The following UBE2E1 variants were observed in gnomAD, a reference collection of about 807,000 sequenced individuals.
UBE2E1 encodes the protein ubiquitin conjugating enzyme E2 E1, also known as ubiquitin-conjugating enzyme E2 E1.
In UBE2E1, 6 loss-of-function variants were observed where a neutral mutation model predicts 21.4. The ratio of observed to expected loss-of-function variants is 0.28; its 90% CI spans 0.15 to 0.55. UBE2E1 has a LOEUF of 0.55. UBE2E1 is among the 20% of genes least tolerant of loss of function. The pLI is 0.93. For missense variants in UBE2E1, 142 were observed against 236.5 expected (o/e 0.60, Z 2.62); for synonymous variants, 87 against 82.7 (o/e 1.05, Z -0.28).
intron 3 of UBE2E1, among the ~76,000 whole-genome samples, chr3:23,840,813 C>G (rs747125736): frequency 2.0e-5 from 3 of 152,204 alleles, no homozygotes; most frequent in Non-Finnish European, 4.4e-5. Flanking sequence ...CTTGTGAACT[C>G]TGACCACTTA....
intron 3 of UBE2E1, among the ~76,000 whole-genome samples, chr3:23,822,552 C>T (rs773333118): frequency 9.9e-5 from 15 of 151,910 alleles, no homozygotes; most frequent in East Asian, 1.9e-4. Context: ...TTTAGGTTAA[C>T]GTTGTACCAT....
chr3:23,845,758 A>T (rs9863123), intron 3 of UBE2E1, among the ~76,000 whole-genome samples: 2 of 152,036 alleles, frequency 1.3e-5, no homozygotes, highest in African/African-American at 4.8e-5. Context: ...GAACCGTTCA[A>T]CTCTACCCAT....
At chr3:23,879,088 C>G in intron 3 of UBE2E1, 1 of 499,040 alleles carries the variant, frequency 2.0e-6, no homozygotes, top group East Asian at 5.6e-5. Flanking sequence ...AGAATGAGTT[C>G]CTGAAGTCTT....
At chr3:23,866,915 G>C (rs184035315) in intron 3 of UBE2E1, among the ~76,000 whole-genome samples, 1 of 152,230 alleles carries the variant, frequency 6.6e-6, no homozygotes, top group East Asian at 1.9e-4. Context: ...CTTTTGTGTT[G>C]AGTCCAAAGA....
chr3:23,883,584 C>T (rs917583499), intron 3 of UBE2E1, among the ~76,000 whole-genome samples: 1 of 152,122 alleles, frequency 6.6e-6, no homozygotes, highest in Non-Finnish European at 1.5e-5. Flanking sequence ...AAAAAGCTAC[C>T]TGAATTCATC....
intron 3 of UBE2E1, among the ~76,000 whole-genome samples, chr3:23,877,283 ATT>A (rs1700937649): frequency 6.6e-6 from 1 of 152,084 alleles, no homozygotes; most frequent in Non-Finnish European, 1.5e-5. Flanking sequence ...AACCATATAT[ATT>A]GATCCTTTTT....
intron 3 of UBE2E1, among the ~76,000 whole-genome samples, chr3:23,850,609 C>T (rs1456362878): frequency 1.3e-5 from 2 of 151,132 alleles, no homozygotes; most frequent in Non-Finnish European, 2.9e-5. Flanking sequence ...CTCCTGAGCT[C>T]AGGTGATGGT....
intron 3 of UBE2E1, among the ~76,000 whole-genome samples, chr3:23,839,538 G>A (rs1414308358): frequency 6.6e-6 from 1 of 151,750 alleles, no homozygotes; most frequent in East Asian, 1.9e-4. Flanking sequence ...ACCATTTCTG[G>A]TGTTCTTTTT....
In UBE2E1 at chr3:23,887,856, G is replaced by T; in HGVS notation, c.336+157G>T. The T allele has an allele frequency of 9.6e-7, 1 of 1,044,788 alleles. No homozygotes were observed. The highest frequency in any genetic ancestry group is 1.3e-6 in the Non-Finnish European group (1 of 751,986). The allele number at this position is 1,044,788 out of a possible 1,614,324, so 64.7% of individuals were successfully genotyped here. A position where few individuals can be genotyped will look rare whatever the true frequency, so the allele number is the denominator to read the frequency against. On this transcript the variant is annotated intron_variant, in intron 4 of 5. Transcript: ENST00000306627. This position sits in a 1 kb window ranked among gnomAD's most constrained non-coding sequence, Gnocchi z 4.4. ...CATATACAAAACACTTCTTTAGGTT[G>T]ATTTTGCCTTATCTGGCAGAGACCA...
chr3:23,822,967 C>T (rs1284366316), intron 3 of UBE2E1, among the ~76,000 whole-genome samples: 1 of 151,964 alleles, frequency 6.6e-6, no homozygotes, highest in East Asian at 1.9e-4. Flanking sequence ...CTGTCTCAGT[C>T]TCCTGAGTAG....
rs1172506035 is a variant in UBE2E1, at chr3:23,873,883, A to T, written c.204-13684A>T. On this transcript the variant is annotated intron_variant, in intron 3 of 5. Coordinates refer to ENST00000306627, the MANE Select transcript of UBE2E1 (RefSeq NM_003341.5). ...CTTTTGAAAGCAAAAGTGGGCAACA[A>T]AAAACTGAAAATTATTATTACCAGA... 3.9e-5 allele frequency among the ~76,000 whole-genome samples: 6 copies of T among 152,376 alleles called. No individual in the cohort carries two copies. The East Asian group carries it at 1.2e-3, about 29-fold the overall frequency.
At chr3:23,858,170 A>G (rs909163288) in intron 3 of UBE2E1, among the ~76,000 whole-genome samples, 7 of 152,178 alleles carry the variant, frequency 4.6e-5, no homozygotes. Context: ...GCTGTTACCT[A>G]CAGTGTAAAT....
chr3:23,817,973 T>C (rs561068866), intron 3 of UBE2E1, among the ~76,000 whole-genome samples: 10 of 152,306 alleles, frequency 6.6e-5, no homozygotes, highest in Non-Finnish European at 1.0e-4. Flanking sequence ...GAGTGGAGCT[T>C]GGTAGGAACC....
chr3:23,863,389 TC>T lies in UBE2E1; in HGVS notation c.204-24174del, dbSNP rs1285116035. Reference sequence around the variant, plus strand: ...CTCCCCAAGTTATTCTCTCACCTTTTCCCCTCTCCCTTTCTCCCTCTGTGCC... The same window carrying T: ...CTCCCCAAGTTATTCTCTCACCTTTTCCCTCTCCCTTTCTCCCTCTGTGCC... On this transcript the variant is annotated intron_variant, in intron 3 of 5. Transcript: ENST00000306627. This position sits in a 1 kb window ranked among gnomAD's most constrained non-coding sequence, Gnocchi z 4.3. Among the ~76,000 whole-genome samples, 1 of 152,048 alleles carries T rather than the reference TC, an allele frequency of 6.6e-6. No homozygotes were observed. Among genetic ancestry groups the T allele is most frequent in the Non-Finnish European group, 1.5e-5 (1 of 68,012 alleles).
intron 3 of UBE2E1, among the ~76,000 whole-genome samples, chr3:23,874,842 C>T (rs1052857932): frequency 2.6e-5 from 4 of 152,198 alleles, no homozygotes; most frequent in African/African-American, 7.2e-5. Flanking sequence ...GTACCCCCAA[C>T]CCCTGCTTCT....
intron 3 of UBE2E1, among the ~76,000 whole-genome samples, chr3:23,867,779 A>AT (rs1372892990): frequency 6.6e-6 from 1 of 152,178 alleles, no homozygotes; most frequent in Non-Finnish European, 1.5e-5. Context: ...CCTGAATTGA[A>AT]TAGAGAGGAG....
At position 23,891,457 on chromosome 3, in the gene UBE2E1, G is replaced by GTACTT. The variant is rs1373265913; in HGVS notation, c.*855_*859dup. The GTACTT allele has an allele frequency of 2.8e-4, 42 of 152,290 alleles. No homozygotes were observed. The highest frequency in any genetic ancestry group is 8.2e-4 in the African/African-American group (34 of 41,564). The allele number at this position is 152,290 out of a possible 1,614,324, so 9.4% of individuals were successfully genotyped here. A position where few individuals can be genotyped will look rare whatever the true frequency, so the allele number is the denominator to read the frequency against. The stretch of plus-strand genomic sequence containing the variant: ...TAGTTAGTTACCTATATTAGGATCT[G>GTACTT]TACTTTACACAGCTGTAGATGAGGT... On this transcript the variant is annotated 3_prime_UTR_variant, in exon 6 of 6. Coordinates refer to ENST00000306627, the MANE Select transcript of UBE2E1 (RefSeq NM_003341.5).
At chr3:23,883,904 CAAAAAAAAAA>C in intron 3 of UBE2E1, among the ~76,000 whole-genome samples, 1 of 87,244 alleles carries the variant, frequency 1.1e-5, no homozygotes, top group East Asian at 3.9e-4. Context: ...TGACAGATCT[CAAAAAAAAAA>C]AAAAAAAAAG....
chr3:23,840,662 G>A (rs1259659192), intron 3 of UBE2E1, among the ~76,000 whole-genome samples: 2 of 152,176 alleles, frequency 1.3e-5, no homozygotes, highest in African/African-American at 4.8e-5. Flanking sequence ...GAGCTCTGGG[G>A]AGTGTTCTCT....
Sources: gnomAD v4.1 joint callset for allele counts (sites outside exome capture counted in the v4.1 genomes callset) on GRCh38, gnomAD v4.1.1 for gene constraint, Gnocchi (gnomAD v3.1) non-coding constraint, MANE v1.5 for transcripts, NCBI Gene and HGNC (gene_info 2026-07-23, HGNC 2026-07-21) for gene names.